ADAMTS16: variants seen among roughly 807,000 people sequenced by gnomAD.
The protein encoded by ADAMTS16 is A disintegrin and metalloproteinase with thrombospondin motifs 16.
Under a neutral mutation model 145.8 loss-of-function variants are expected in ADAMTS16, and 94 were observed. That is an observed-to-expected ratio of 0.64 (90% confidence interval 0.55 to 0.77). ADAMTS16 has a LOEUF of 0.77. ADAMTS16 is among the 30% of genes least tolerant of loss of function. The pLI is 0.00. For synonymous variants in ADAMTS16, 659 were observed against 604.3 expected (o/e 1.09, Z -1.33); for missense variants, 1,585 against 1,591.5 (o/e 1.00, Z 0.07).
At chr5:5,163,905 A>T (rs1734799864) in intron 3 of ADAMTS16, among the ~76,000 whole-genome samples, 1 of 152,324 alleles carries the variant, frequency 6.6e-6, no homozygotes, top group East Asian at 1.9e-4. Context: ...GAGAAAAACA[A>T]ACACAACAAA....
chr5:5,178,769 C>T (rs949446451), intron 3 of ADAMTS16, among the ~76,000 whole-genome samples: 73 of 152,222 alleles, frequency 4.8e-4, no homozygotes, highest in African/African-American at 1.7e-3. Context: ...CAGAATGTAG[C>T]CTTGAGCCTG....
At chr5:5,256,742 G>T (rs1262209336) in intron 17 of ADAMTS16, among the ~76,000 whole-genome samples, 1 of 152,210 alleles carries the variant, frequency 6.6e-6, no homozygotes, top group Non-Finnish European at 1.5e-5. Flanking sequence ...ATGACTCTTT[G>T]TTCAGACTTG....
At position 5,225,985 on chromosome 5, in the gene ADAMTS16, G is replaced by T. The variant is rs367546796; in HGVS notation, c.1701+3101G>T. Among the ~76,000 whole-genome samples the T allele has an allele frequency of 2.0e-5, 3 of 149,198 alleles. No homozygotes were observed. The East Asian group carries it at 6.2e-4, about 31-fold the overall frequency. ...TCTGTTTTAGGGTAAAGATTTGGGG[G>T]CCCACAAAGAACTTCCTTGTGAGTA... is the stretch of plus-strand genomic sequence containing the variant. On this transcript the variant is annotated intron_variant, in intron 11 of 22. Coordinates refer to ENST00000274181, the MANE Select transcript of ADAMTS16 (RefSeq NM_139056.4).
rs747814880 is a variant in ADAMTS16 at position 5,209,180 on chromosome 5, T to C, written c.1539T>C (p.Asp513=). 1.2e-6 allele frequency: 2 copies of C among 1,614,092 alleles called. No homozygotes were observed. Among genetic ancestry groups the C allele is most frequent in the Non-Finnish European group, 1.7e-6 (2 of 1,179,928 alleles). ...AGAAATTGCCAGGAGAATTATATGA[T>C]GCAAACACACAGTGCAAGTGGCAGT... The part of the protein sequence containing the change: ...YPEKLPGELY[D]ANTQCKWQFG... The change falls in exon 10 of 23, where the codon GAT becomes GAC. Residue 513 remains aspartate, a synonymous_variant. Coordinates refer to ENST00000274181, the MANE Select transcript of ADAMTS16 (RefSeq NM_139056.4).
rs1344365726 is a variant in ADAMTS16 at position 5,269,793 on chromosome 5, C to T, written c.2789+7010C>T. On this transcript the variant is annotated intron_variant, in intron 18 of 22. Transcript: ENST00000274181. This position sits in a 1 kb window ranked among gnomAD's most constrained non-coding sequence, Gnocchi z 4.3. The stretch of plus-strand genomic sequence containing the variant: ...AGATTTGGAGCTGAAGACATCCCTG[C>T]GTTCTGCTGTGTCCTATCTTCTACA... Among the ~76,000 whole-genome samples the T allele has an allele frequency of 1.3e-5, 2 of 152,196 alleles. No homozygotes were observed. Among genetic ancestry groups the T allele is most frequent in the African/African-American group, 2.4e-5 (1 of 41,450 alleles).
chr5:5,185,393 G>A (rs984202080), intron 4 of ADAMTS16, among the ~76,000 whole-genome samples: 1 of 152,172 alleles, frequency 6.6e-6, no homozygotes, highest in Admixed American at 6.5e-5. Flanking sequence ...TCAATGTAGT[G>A]TTAACCTAAC....
intron 10 of ADAMTS16, among the ~76,000 whole-genome samples, chr5:5,220,349 C>CG (rs544865202): frequency 0.013 from 1,898 of 149,194 alleles, 49 homozygotes; most frequent in African/African-American, 0.045. Flanking sequence ...TTAGTAGAGA[C>CG]GGGTTTCACT....
intron 3 of ADAMTS16, among the ~76,000 whole-genome samples, chr5:5,159,431 A>C (rs966640464): frequency 6.6e-6 from 1 of 152,194 alleles, no homozygotes; most frequent in South Asian, 2.1e-4. Flanking sequence ...GAGTAACAAC[A>C]TATGAAAGCC....
intron 18 of ADAMTS16, among the ~76,000 whole-genome samples, chr5:5,291,702 G>A (rs1450627039): frequency 2.4e-5 from 3 of 123,300 alleles, no homozygotes; most frequent in Admixed American, 1.2e-4. Flanking sequence ...GGCTGTCCTC[G>A]GGCAGTCAGC....
At chr5:5,318,373 C>A in intron 22 of ADAMTS16, 92 bp downstream of exon 22, 1 of 1,221,082 alleles carries the variant, frequency 8.2e-7, no homozygotes, top group South Asian at 2.9e-5. Flanking sequence ...GAGTTAGGGT[C>A]TTGCGTCTGA....
chr5:5,242,510 A>G (rs1737322469), intron 17 of ADAMTS16, among the ~76,000 whole-genome samples: 1 of 152,206 alleles, frequency 6.6e-6, no homozygotes, highest in Non-Finnish European at 1.5e-5. Flanking sequence ...GGTAATTATG[A>G]GATACATCAT....
At chr5:5,140,608 G>C in intron 1 of ADAMTS16, 56 bp from the exon 2 acceptor site, 1 of 1,521,220 alleles carries the variant, frequency 6.6e-7, no homozygotes, top group Non-Finnish European at 8.8e-7. Context: ...GTCCCCCGCG[G>C]CTCCTCTCCC....
At chr5:5,287,871 C>T (rs954238790) in intron 18 of ADAMTS16, among the ~76,000 whole-genome samples, 8 of 152,158 alleles carry the variant, frequency 5.3e-5, no homozygotes, top group African/African-American at 1.9e-4. Context: ...AGCCCACGCA[C>T]TGGTGGAGCT....
intron 18 of ADAMTS16, among the ~76,000 whole-genome samples, chr5:5,292,539 A>C (rs1739374087): frequency 6.6e-6 from 1 of 151,650 alleles, no homozygotes; most frequent in African/African-American, 2.4e-5. Flanking sequence ...TTTAAAAATA[A>C]AAAATAAATA....
At chr5:5,304,160 G>C (rs1167195171) in intron 20 of ADAMTS16, among the ~76,000 whole-genome samples, 1 of 152,192 alleles carries the variant, frequency 6.6e-6, no homozygotes, top group East Asian at 1.9e-4. Flanking sequence ...GGAAGAACAT[G>C]CGTTGCTTGG....
Position 5,315,839 on chromosome 5 carries a change from G to A in ADAMTS16, c.3412-2295G>A, listed in dbSNP as rs185493825. Reference sequence around the variant, plus strand: ...CCCCACATTATTTTTTCTACTTTCCGTAGTCATATATTGTTGGCAACTTTT... The same window carrying A: ...CCCCACATTATTTTTTCTACTTTCCATAGTCATATATTGTTGGCAACTTTT... On this transcript the variant is annotated intron_variant, in intron 21 of 22. Coordinates refer to ENST00000274181, the MANE Select transcript of ADAMTS16 (RefSeq NM_139056.4). Among the ~76,000 whole-genome samples the A allele has an allele frequency of 1.1e-3, 162 of 152,242 alleles. 1 individual carries two copies. The highest frequency in any genetic ancestry group is 8.2e-4 in the Non-Finnish European group (56 of 68,024).
intron 21 of ADAMTS16, among the ~76,000 whole-genome samples, chr5:5,308,603 G>T (rs1207496093): frequency 6.6e-6 from 1 of 152,170 alleles, no homozygotes; most frequent in Non-Finnish European, 1.5e-5. Context: ...ACAGACAGCT[G>T]CCTGGACACG....
At chr5:5,279,925 TTTTTC>T (rs1160480159) in intron 18 of ADAMTS16, among the ~76,000 whole-genome samples, 38 of 149,696 alleles carry the variant, frequency 2.5e-4, no homozygotes, top group East Asian at 1.6e-3. Context: ...TTTATTTCTC[TTTTTC>T]TTTCTTTCTT....
At chr5:5,267,132 C>T (rs1256437519) in intron 18 of ADAMTS16, among the ~76,000 whole-genome samples, 1 of 152,190 alleles carries the variant, frequency 6.6e-6, no homozygotes, top group African/African-American at 2.4e-5. Context: ...TGGTGGCCCA[C>T]TGCTCAAACC....
Sources: allele counts gnomAD v4.1 joint callset (sites outside exome capture counted in the v4.1 genomes callset), GRCh38; gene constraint gnomAD v4.1.1; non-coding constraint Gnocchi (gnomAD v3.1); transcripts MANE v1.5; gene names NCBI Gene and HGNC (gene_info 2026-07-23, HGNC 2026-07-21).